Variants in GRM7 observed in about 807,000 individuals in gnomAD.
The protein encoded by GRM7 is metabotropic glutamate receptor 7.
GRM7 carries 35 observed loss-of-function variants against 84.5 expected under a neutral mutation model. The observed-to-expected ratio is 0.41, with a 90% confidence interval of 0.32 to 0.55. The LOEUF is 0.55. GRM7 is among the 20% of genes least tolerant of loss of function. The probability of loss-of-function intolerance (pLI) is 0.19; values close to 1 mark genes in which losing one functional copy is unlikely to be tolerated. For missense variants in GRM7, 1,003 were observed against 1,194.6 expected (o/e 0.84, Z 2.36); for synonymous variants, 487 against 455.1 (o/e 1.07, Z -0.89).
At chr3:7,238,909 TTC>T (rs1216333764) in intron 2 of GRM7, among the ~76,000 whole-genome samples, 2 of 151,376 alleles carry the variant, frequency 1.3e-5, no homozygotes, top group Non-Finnish European at 2.9e-5. Flanking sequence ...TTCTTTTTTC[TTC>T]TCTTTTCCTT....
At chr3:6,917,015 G>A (rs974931913) in intron 1 of GRM7, among the ~76,000 whole-genome samples, 4 of 152,082 alleles carry the variant, frequency 2.6e-5, no homozygotes, top group Admixed American at 2.0e-4. Context: ...AGGAGGAGGT[G>A]CAGATACTGC....
At chr3:6,892,085 A>C (rs1040059094) in intron 1 of GRM7, among the ~76,000 whole-genome samples, 1 of 152,026 alleles carries the variant, frequency 6.6e-6, no homozygotes, top group Non-Finnish European at 1.5e-5. Flanking sequence ...CAGCTCCATC[A>C]GCTCCTTTAA....
Position 7,641,125 on chromosome 3 carries a change from G to A in GRM7, c.2452-38924G>A, listed in dbSNP as rs191858549. The stretch of plus-strand genomic sequence containing the variant: ...TGAAAGGAAAAATTTCCTAGTGATT[G>A]TTTGCAAATGAAGCAGTAAACTCAA... On this transcript the variant is annotated intron_variant, in intron 8 of 9. Transcript: ENST00000357716. 2.1e-3 allele frequency among the ~76,000 whole-genome samples: 320 copies of A among 152,254 alleles called. 1 individual carries two copies. The highest frequency in any genetic ancestry group is 0.017 in the Middle Eastern group (5 of 294).
At chr3:7,430,920 T>C (rs56002938) in intron 5 of GRM7, among the ~76,000 whole-genome samples, 25,561 of 152,180 alleles carry the variant, frequency 0.17, 2,828 homozygotes, top group Non-Finnish European at 0.26. Flanking sequence ...TTTGAGTTTC[T>C]GAAGCCCAGA....
At chr3:7,012,562 C>G (rs959334570) in intron 1 of GRM7, among the ~76,000 whole-genome samples, 1 of 152,020 alleles carries the variant, frequency 6.6e-6, no homozygotes, top group African/African-American at 2.4e-5. Context: ...CATCCTTCTC[C>G]CCTGAAGAGG....
intron 1 of GRM7, among the ~76,000 whole-genome samples, chr3:7,033,736 A>G (rs1412802285): frequency 6.6e-6 from 1 of 151,966 alleles, no homozygotes; most frequent in Non-Finnish European, 1.5e-5. Flanking sequence ...CAGTTTGAAC[A>G]TGATGTCTTG....
At chr3:7,482,748 G>T (rs1699180187) in intron 7 of GRM7, among the ~76,000 whole-genome samples, 1 of 152,178 alleles carries the variant, frequency 6.6e-6, no homozygotes, top group Non-Finnish European at 1.5e-5. Context: ...AGTAGGAAAA[G>T]TGGGAGAATG....
At chr3:7,030,498 A>G (rs1376478227) in intron 1 of GRM7, among the ~76,000 whole-genome samples, 1 of 152,214 alleles carries the variant, frequency 6.6e-6, no homozygotes, top group African/African-American at 2.4e-5. Flanking sequence ...TTATACCTGA[A>G]TGAAGAGTTT....
chr3:7,278,663 A>G (rs1242986326), intron 2 of GRM7, among the ~76,000 whole-genome samples: 1 of 152,156 alleles, frequency 6.6e-6, no homozygotes. Flanking sequence ...ATAAGATGTG[A>G]TTCTTAGAAT....
chr3:7,334,136 G>C (rs111363072), intron 4 of GRM7, among the ~76,000 whole-genome samples: 5,958 of 152,000 alleles, frequency 0.039, 244 homozygotes, highest in African/African-American at 0.11. Context: ...GTAAAAAGAT[G>C]ATCACCTAGG....
intron 1 of GRM7, among the ~76,000 whole-genome samples, chr3:6,950,283 C>T (rs1037982212): frequency 6.6e-6 from 1 of 152,102 alleles, no homozygotes; most frequent in Non-Finnish European, 1.5e-5. Flanking sequence ...TAGTCAGGAC[C>T]CTCAGCTGCA....
chr3:7,478,873 C>T (rs1402596087), intron 7 of GRM7, among the ~76,000 whole-genome samples: 1 of 152,154 alleles, frequency 6.6e-6, no homozygotes, highest in African/African-American at 2.4e-5. Flanking sequence ...TTTACTGACT[C>T]CATAAAACCT....
At chr3:7,484,434 T>C (rs369571838) in intron 7 of GRM7, among the ~76,000 whole-genome samples, 11 of 152,192 alleles carry the variant, frequency 7.2e-5, no homozygotes, top group African/African-American at 2.7e-4. Flanking sequence ...ATAATATCAA[T>C]ACTGTGAGTA....
At chr3:7,541,177 CT>C (rs1012511179) in intron 7 of GRM7, among the ~76,000 whole-genome samples, 2 of 151,714 alleles carry the variant, frequency 1.3e-5, no homozygotes, top group African/African-American at 2.4e-5. Context: ...TCATAGTGTA[CT>C]TTTTTTTGCA....
At chr3:7,290,009 A>T (rs1559556168) in intron 2 of GRM7, among the ~76,000 whole-genome samples, 2 of 152,014 alleles carry the variant, frequency 1.3e-5, no homozygotes, top group African/African-American at 4.8e-5. Context: ...AAGTATAATA[A>T]AAAATAAAAT....
intron 2 of GRM7, among the ~76,000 whole-genome samples, chr3:7,197,677 G>GA (rs1165320299): frequency 2.0e-4 from 30 of 148,424 alleles, no homozygotes; most frequent in Non-Finnish European, 7.4e-5. Flanking sequence ...ACATCCCAAG[G>GA]AAAAAATACT....
intron 1 of GRM7, among the ~76,000 whole-genome samples, chr3:6,882,787 A>G (rs746585595): frequency 4.6e-5 from 7 of 152,226 alleles, no homozygotes; most frequent in Non-Finnish European, 7.3e-5. Context: ...CACAAACTTA[A>G]ATAGCTCAGC....
intron 7 of GRM7, among the ~76,000 whole-genome samples, chr3:7,561,153 G>A (rs962486342): frequency 1.3e-5 from 2 of 152,032 alleles, no homozygotes; most frequent in South Asian, 2.1e-4. Context: ...GTGCATTCAT[G>A]CTTTCTTGCG....
At chr3:7,315,943 G>C (rs1700566570) in intron 4 of GRM7, among the ~76,000 whole-genome samples, 1 of 152,118 alleles carries the variant, frequency 6.6e-6, no homozygotes, top group African/African-American at 2.4e-5. Context: ...AGAAAAAATA[G>C]AGCAGGAAAA....
Sources: gnomAD v4.1 joint callset for allele counts (sites outside exome capture counted in the v4.1 genomes callset) on GRCh38, gnomAD v4.1.1 for gene constraint, MANE v1.5 for transcripts, NCBI Gene and HGNC (gene_info 2026-07-23, HGNC 2026-07-21) for gene names.